Variants in MACROD2 observed in about 807,000 individuals in gnomAD.
MACROD2 encodes mono-ADP ribosylhydrolase 2, also known as ADP-ribose glycohydrolase MACROD2.
In MACROD2, 36 loss-of-function variants were observed where a neutral mutation model predicts 70.4. That is an observed-to-expected ratio of 0.51 (90% CI 0.39 to 0.68). The LOEUF (loss-of-function observed/expected upper bound fraction) is 0.68. Ranked by LOEUF, MACROD2 falls within the 30% of genes least tolerant of loss-of-function variation. The pLI, the probability that MACROD2 is intolerant of heterozygous loss-of-function variation, is 0.00. For synonymous variants in MACROD2, 172 were observed against 178.8 expected (o/e 0.96, Z 0.30); for missense variants, 496 against 538.4 (o/e 0.92, Z 0.78).
chr20:15,413,048 A>T (rs2046099585), intron 6 of MACROD2, among the ~76,000 whole-genome samples: 1 of 152,222 alleles, frequency 6.6e-6, no homozygotes, highest in Admixed American at 6.5e-5. Flanking sequence ...CATTAGTATT[A>T]AAAAAGTATC....
At chr20:15,407,751 A>G (rs2046023288) in intron 6 of MACROD2, among the ~76,000 whole-genome samples, 1 of 152,200 alleles carries the variant, frequency 6.6e-6, no homozygotes. Flanking sequence ...TGAATACTAA[A>G]TTTATACTTT....
At chr20:14,926,635 A>T (rs1356377752) in intron 5 of MACROD2, among the ~76,000 whole-genome samples, 1 of 152,152 alleles carries the variant, frequency 6.6e-6, no homozygotes, top group Non-Finnish European at 1.5e-5. Flanking sequence ...TGCCAGAGAC[A>T]TTAGCTGCAT....
intron 8 of MACROD2, among the ~76,000 whole-genome samples, chr20:15,524,740 C>T (rs1012962556): frequency 2.6e-5 from 4 of 152,148 alleles, no homozygotes; most frequent in African/African-American, 9.7e-5. Flanking sequence ...CTGCACTATA[C>T]CGTTCCTTGA....
chr20:15,450,499 A>C (rs1022182402), intron 7 of MACROD2, among the ~76,000 whole-genome samples: 1 of 152,046 alleles, frequency 6.6e-6, no homozygotes, highest in Admixed American at 6.6e-5. Flanking sequence ...ATATGTACAC[A>C]CGTATTATAT....
At chr20:15,728,493 C>T (rs2050897101) in intron 8 of MACROD2, among the ~76,000 whole-genome samples, 1 of 152,086 alleles carries the variant, frequency 6.6e-6, no homozygotes, top group South Asian at 2.1e-4. Flanking sequence ...CTTCTTTATA[C>T]ACTTGGTAGA....
intron 8 of MACROD2, among the ~76,000 whole-genome samples, chr20:15,696,628 C>G (rs2050376524): frequency 1.5e-5 from 2 of 130,928 alleles, no homozygotes; most frequent in Non-Finnish European, 3.2e-5. Context: ...GGTACCAATT[C>G]TTTTTTGAAT....
chr20:15,314,598 A>G (rs1057398173), intron 6 of MACROD2, among the ~76,000 whole-genome samples: 18 of 152,180 alleles, frequency 1.2e-4, no homozygotes, highest in Admixed American at 2.6e-4. Context: ...ATTCAAACAA[A>G]TCTTGGGGCT....
intron 3 of MACROD2, among the ~76,000 whole-genome samples, chr20:14,190,794 G>A (rs540278518): frequency 1.1e-4 from 14 of 130,072 alleles, no homozygotes; most frequent in East Asian, 7.9e-4. Context: ...TGCAAGCTCC[G>A]CCTCCCAGGT....
chr20:15,427,619 A>G (rs185737249), intron 6 of MACROD2, among the ~76,000 whole-genome samples: 2 of 152,340 alleles, frequency 1.3e-5, no homozygotes, highest in East Asian at 3.9e-4. Flanking sequence ...TGGACCCTAC[A>G]GACACAGTGA....
intron 5 of MACROD2, among the ~76,000 whole-genome samples, chr20:14,909,391 A>G (rs966277755): frequency 3.9e-5 from 6 of 152,126 alleles, no homozygotes; most frequent in African/African-American, 1.4e-4. Flanking sequence ...GACATTCATC[A>G]AGCTAATAGG....
At position 14,009,784 on chromosome 20, in the gene MACROD2, C is replaced by T. The variant is rs550290437; in HGVS notation, c.163+7380C>T. ...TACATATACACCATGCAATACTATGCAGCCATAAAAAGGAACAACATCATG... is the reference window on the plus strand; with the variant it reads ...TACATATACACCATGCAATACTATGTAGCCATAAAAAGGAACAACATCATG... On this transcript the variant is annotated intron_variant, in intron 2 of 17. Coordinates refer to ENST00000684519, the MANE Select transcript of MACROD2 (RefSeq NM_001351661.2). Among the ~76,000 whole-genome samples, 3 of 152,304 alleles carry T rather than the reference C, an allele frequency of 2.0e-5. 1 individual carries two copies. In the South Asian group the frequency reaches 6.2e-4, roughly 32 times the overall value.
intron 8 of MACROD2, among the ~76,000 whole-genome samples, chr20:15,519,199 C>T (rs1326693829): frequency 1.3e-5 from 2 of 152,102 alleles, no homozygotes; most frequent in Non-Finnish European, 2.9e-5. Flanking sequence ...CAAGCTCCGC[C>T]TCCTGGGTTC....
chr20:14,169,467 G>A (rs2081200339), intron 3 of MACROD2, among the ~76,000 whole-genome samples: 1 of 142,982 alleles, frequency 7.0e-6, no homozygotes, highest in African/African-American at 2.5e-5. Context: ...ACCACGCCAA[G>A]CTAATTTTGT....
At chr20:15,480,766 C>T (rs1346033163) in intron 7 of MACROD2, among the ~76,000 whole-genome samples, 7 of 152,116 alleles carry the variant, frequency 4.6e-5, no homozygotes, top group Admixed American at 3.9e-4. Flanking sequence ...CCCCACCTGG[C>T]TATCCTTCCC....
At position 15,308,351 on chromosome 20, in the gene MACROD2, A is replaced by T. The variant is rs1600225149; in HGVS notation, c.540+78290A>T. Among the ~76,000 whole-genome samples, 4 of 152,132 alleles carry T rather than the reference A, an allele frequency of 2.6e-5. No individual in the cohort carries two copies. In the East Asian group the frequency reaches 7.7e-4, roughly 29 times the overall value. On this transcript the variant is annotated intron_variant, in intron 6 of 17. Coordinates refer to ENST00000684519, the MANE Select transcript of MACROD2 (RefSeq NM_001351661.2). ...TACAAAGCGCTTACTGAACAATAAT[A>T]AAAAAATTTTAGTCACTTCAGTGCC...
intron 8 of MACROD2, among the ~76,000 whole-genome samples, chr20:15,548,784 C>G (rs1477543964): frequency 6.6e-6 from 1 of 152,186 alleles, no homozygotes; most frequent in Non-Finnish European, 1.5e-5. Context: ...CCTTGGTTCT[C>G]ATGAGTTACC....
chr20:14,844,973 G>C (rs754443091), intron 5 of MACROD2, among the ~76,000 whole-genome samples: 21 of 151,932 alleles, frequency 1.4e-4, no homozygotes, highest in Non-Finnish European at 2.2e-4. Context: ...CTTTGTCCAT[G>C]GCCTTAAATG....
intron 8 of MACROD2, among the ~76,000 whole-genome samples, chr20:15,666,322 C>T (rs1374357392): frequency 6.6e-6 from 1 of 152,206 alleles, no homozygotes; most frequent in Non-Finnish European, 1.5e-5. Context: ...ATTAAGTTAT[C>T]TCTTCCATCT....
At chr20:14,532,670 A>G (rs2085321191) in intron 4 of MACROD2, among the ~76,000 whole-genome samples, 1 of 152,192 alleles carries the variant, frequency 6.6e-6, no homozygotes, top group Non-Finnish European at 1.5e-5. Context: ...AAGAGAGTGA[A>G]TGTTTCAGAT....
Sources: allele counts gnomAD v4.1 joint callset (sites outside exome capture counted in the v4.1 genomes callset), GRCh38; gene constraint gnomAD v4.1.1; transcripts MANE v1.5; gene names NCBI Gene and HGNC (gene_info 2026-07-23, HGNC 2026-07-21).